Variants in SLC9A2 observed in about 807,000 individuals in gnomAD.
The protein encoded by SLC9A2 is sodium/hydrogen exchanger 2.
In SLC9A2, 42 loss-of-function variants were observed where a neutral mutation model predicts 71.7. That is an observed-to-expected ratio of 0.59 (90% CI 0.46 to 0.76). SLC9A2 has a LOEUF of 0.76. SLC9A2 is among the 30% of genes least tolerant of loss of function. SLC9A2 has a pLI of 0.00. For synonymous variants in SLC9A2, 396 were observed against 392.5 expected (o/e 1.01, Z -0.10); for missense variants, 829 against 1,017.4 (o/e 0.81, Z 2.52).
intron 1 of SLC9A2, among the ~76,000 whole-genome samples, chr2:102,641,558 A>T (rs1242387490): frequency 6.6e-6 from 1 of 151,748 alleles, no homozygotes; most frequent in East Asian, 1.9e-4. Context: ...TGATTTCCTT[A>T]AAAAGCCCCT....
intron 3 of SLC9A2, among the ~76,000 whole-genome samples, chr2:102,667,421 G>A (rs1677162282): frequency 6.6e-6 from 1 of 152,184 alleles, no homozygotes; most frequent in Non-Finnish European, 1.5e-5. Context: ...AAGGAGCTAT[G>A]CAAATTTGTC....
intron 5 of SLC9A2, among the ~76,000 whole-genome samples, chr2:102,688,320 C>G (rs1320694382): frequency 6.6e-6 from 1 of 152,134 alleles, no homozygotes; most frequent in Non-Finnish European, 1.5e-5. Context: ...GTTTACTTAG[C>G]TGTAAAATCT....
At chr2:102,668,472 G>A (rs1460616319) in intron 3 of SLC9A2, among the ~76,000 whole-genome samples, 1 of 152,108 alleles carries the variant, frequency 6.6e-6, no homozygotes, top group African/African-American at 2.4e-5. Flanking sequence ...CTACACACAC[G>A]CCTTACAGAA....
intron 1 of SLC9A2, among the ~76,000 whole-genome samples, chr2:102,626,099 A>G (rs1558699281): frequency 6.6e-6 from 1 of 152,180 alleles, no homozygotes; most frequent in Non-Finnish European, 1.5e-5. Context: ...ACCAAAAAAG[A>G]ACCCACATTG....
chr2:102,668,729 T>C (rs1677190570), intron 3 of SLC9A2, among the ~76,000 whole-genome samples: 1 of 152,150 alleles, frequency 6.6e-6, no homozygotes, highest in Non-Finnish European at 1.5e-5. Context: ...TTAAACTGCT[T>C]CTGTAATGAT....
rs1471146865 is a variant in SLC9A2 at position 102,709,208 on chromosome 2, T to G, written c.*719T>G. On this transcript the variant is annotated 3_prime_UTR_variant, in exon 12 of 12. Transcript: ENST00000233969. ...TTTGGGGGTGACATCTAAATTCCAT[T>G]TCTTCTTCTTGTTTAAATGGTGCAG... 6.6e-6 allele frequency: 1 copy of G among 152,418 alleles called. No individual in the cohort carries two copies. The highest frequency in any genetic ancestry group is 6.5e-5 in the Admixed American group (1 of 15,286). 9.4% of individuals were successfully genotyped at this position (152,418 alleles called of 1,614,324 possible).
intron 3 of SLC9A2, among the ~76,000 whole-genome samples, chr2:102,675,384 G>A (rs1393241746): frequency 6.6e-6 from 1 of 152,144 alleles, no homozygotes. Flanking sequence ...AATCTTTAAG[G>A]AGAAGTGACA....
At chr2:102,683,020 T>C (rs1387215264) in intron 3 of SLC9A2, among the ~76,000 whole-genome samples, 1 of 152,144 alleles carries the variant, frequency 6.6e-6, no homozygotes, top group Non-Finnish European at 1.5e-5. Flanking sequence ...GGTAAGGGAA[T>C]TGAGGGACCA....
intron 1 of SLC9A2, among the ~76,000 whole-genome samples, chr2:102,646,319 G>A (rs1192815586): frequency 2.0e-5 from 3 of 152,078 alleles, no homozygotes; most frequent in Non-Finnish European, 4.4e-5. Context: ...ATATGGAAAG[G>A]AAAAACCAGT....
chr2:102,678,441 T>C (rs1677384958), intron 3 of SLC9A2, among the ~76,000 whole-genome samples: 1 of 152,168 alleles, frequency 6.6e-6, no homozygotes, highest in South Asian at 2.1e-4. Flanking sequence ...GGCCAATAGT[T>C]TTATTTTGAA....
Position 102,708,755 on chromosome 2 carries a change from G to T in SLC9A2, c.*266G>T. 2.7e-6 allele frequency: 1 copy of T among 373,866 alleles called. No homozygotes were observed. Among genetic ancestry groups the T allele is most frequent in the Non-Finnish European group, 4.8e-6 (1 of 209,068 alleles). The allele number at this position is 373,866 out of a possible 1,614,324, so 23.2% of individuals were successfully genotyped here. A position where few individuals can be genotyped will look rare whatever the true frequency, so the allele number is the denominator to read the frequency against. ...CTGAAGAGAAAAAATGGTAATGTGTGCCTTTATTGAACTTGAATGACAGAA... is the reference window on the plus strand; with the variant it reads ...CTGAAGAGAAAAAATGGTAATGTGTTCCTTTATTGAACTTGAATGACAGAA... On this transcript the variant is annotated 3_prime_UTR_variant, in exon 12 of 12. Coordinates refer to ENST00000233969, the MANE Select transcript of SLC9A2 (RefSeq NM_003048.6).
intron 5 of SLC9A2, among the ~76,000 whole-genome samples, chr2:102,691,291 A>ATT (rs142693567): frequency 0.11 from 16,533 of 151,958 alleles, 1,224 homozygotes; most frequent in East Asian, 0.31. Context: ...TAAGGGTTGT[A>ATT]TTTTTTTTAT....
intron 1 of SLC9A2, among the ~76,000 whole-genome samples, chr2:102,630,157 T>C (rs1676329803): frequency 6.6e-6 from 1 of 152,092 alleles, no homozygotes; most frequent in African/African-American, 2.4e-5. Flanking sequence ...AGTAGTTACA[T>C]AGATCTGTAA....
chr2:102,660,609 T>C (rs1247798732), intron 2 of SLC9A2, among the ~76,000 whole-genome samples: 1 of 152,186 alleles, frequency 6.6e-6, no homozygotes, highest in Non-Finnish European at 1.5e-5. Context: ...GTGGAGATGT[T>C]TTGTGGAAGA....
intron 2 of SLC9A2, among the ~76,000 whole-genome samples, chr2:102,661,577 C>T (rs1278174607): frequency 6.6e-6 from 1 of 151,984 alleles, no homozygotes; most frequent in Non-Finnish European, 1.5e-5. Context: ...ATAATTTGCA[C>T]CCTTGCTTTA....
chr2:102,656,348 G>A (rs1025621271), intron 1 of SLC9A2, among the ~76,000 whole-genome samples: 1 of 152,174 alleles, frequency 6.6e-6, no homozygotes, highest in African/African-American at 2.4e-5. Context: ...TACTAGAGAA[G>A]CCCCTTTATG....
At chr2:102,648,310 C>G (rs533575571) in intron 1 of SLC9A2, among the ~76,000 whole-genome samples, 1 of 152,136 alleles carries the variant, frequency 6.6e-6, no homozygotes, top group South Asian at 2.1e-4. Context: ...TGCCAAAAAC[C>G]CTCAATAAAC....
chr2:102,673,665 A>ATCAT (rs1374128169), intron 3 of SLC9A2, among the ~76,000 whole-genome samples: 2 of 152,188 alleles, frequency 1.3e-5, no homozygotes, highest in African/African-American at 2.4e-5. Context: ...AAAAAGGATG[A>ATCAT]TATCCTTTCT....
rs1678024626 is a variant in SLC9A2, at chr2:102,708,291, C to T, written c.2241C>T (p.Pro747=). 6.2e-7 allele frequency: 1 copy of T among 1,614,038 alleles called. No homozygotes were observed. Among genetic ancestry groups the T allele is most frequent in the Non-Finnish European group, 8.5e-7 (1 of 1,180,034 alleles). ...VDSGRDMPST[P]PTPHSREKGT... is the part of the protein sequence containing the mutation. The stretch of plus-strand genomic sequence containing the variant: ...CTGGCCGAGATATGCCCAGCACCCC[C>T]CCAACACCCCACAGCAGAGAAAAGG... The change falls in exon 12 of 12, where the codon CCC becomes CCT. Residue 747 remains proline (P), a synonymous_variant. Coordinates refer to ENST00000233969, the MANE Select transcript of SLC9A2 (RefSeq NM_003048.6).
Sources: allele counts gnomAD v4.1 joint callset (sites outside exome capture counted in the v4.1 genomes callset), GRCh38; gene constraint gnomAD v4.1.1; transcripts MANE v1.5; gene names NCBI Gene and HGNC (gene_info 2026-07-23, HGNC 2026-07-21).